Variants in LIPA observed in about 807,000 individuals in gnomAD.
The protein encoded by LIPA is lipase A, lysosomal acid type.
LIPA carries 26 observed loss-of-function variants against 40.6 expected under a neutral mutation model. The observed-to-expected ratio is 0.64, with a 90% confidence interval of 0.47 to 0.89. LIPA has a LOEUF of 0.89. Ranked by LOEUF, LIPA falls within the 40% of genes least tolerant of loss-of-function variation. LIPA has a pLI of 0.00. For synonymous variants in LIPA, 188 were observed against 168.4 expected (o/e 1.12, Z -0.90); for missense variants, 455 against 479.6 (o/e 0.95, Z 0.48).
Position 89,302,096 on chromosome 10 carries a change from C to A in LIPA, c.-2+40515G>T. 3.1e-6 allele frequency: 5 copies of A among 1,613,672 alleles called. No individual in the cohort carries two copies. The South Asian group carries it at 4.4e-5, about 14-fold the overall frequency. The stretch of plus-strand genomic sequence containing the variant: ...GTGCAGCTGCCTGAACCGAGCCCTG[C>A]CGAACAGCTGAGAATTGCACTGCAA... On this transcript the variant is annotated intron_variant, in intron 1 of 5. Transcript: ENST00000282673.
At chr10:89,332,709 A>G (rs1426112508) in intron 1 of LIPA, 1 of 1,398,222 alleles carries the variant, frequency 7.2e-7, no homozygotes, top group Non-Finnish European at 1.0e-6. Context: ...GTGTTTGCTT[A>G]GAGATGAAAT....
intron 1 of LIPA, among the ~76,000 whole-genome samples, chr10:89,337,455 A>T (rs1172404360): frequency 2.6e-5 from 4 of 152,126 alleles, no homozygotes; most frequent in African/African-American, 9.7e-5. Context: ...GCTGGAGTGT[A>T]ATGGTGTGAT....
intron 1 of LIPA, among the ~76,000 whole-genome samples, chr10:89,271,053 C>T (rs530153118): frequency 6.6e-6 from 1 of 152,184 alleles, no homozygotes; most frequent in Non-Finnish European, 1.5e-5. Context: ...TGAAATTAGA[C>T]TTATGTAGGT....
intron 1 of LIPA, among the ~76,000 whole-genome samples, chr10:89,318,106 C>CA (rs1382728435): frequency 1.3e-5 from 2 of 152,126 alleles, no homozygotes; most frequent in African/African-American, 4.8e-5. Context: ...CCAGCCACTG[C>CA]AAAACATGTC....
At chr10:89,353,810 G>A (rs11203089) in intron 2 of LIPA, among the ~76,000 whole-genome samples, 5,539 of 152,072 alleles carry the variant, frequency 0.036, 246 homozygotes, top group African/African-American at 0.1. Context: ...GTGTGGCAGC[G>A]TGCACCTGTA....
At chr10:89,344,190 C>T (rs1843896621), upstream of LIPA, among the ~76,000 whole-genome samples, 3 of 152,148 alleles carry the variant, frequency 2.0e-5, no homozygotes, top group Non-Finnish European at 4.4e-5. Flanking sequence ...ATGAAAAATG[C>T]TATATAATCT....
At chr10:89,298,574 A>G (rs1041224681) in intron 1 of LIPA, among the ~76,000 whole-genome samples, 5 of 152,234 alleles carry the variant, frequency 3.3e-5, no homozygotes, top group Non-Finnish European at 7.3e-5. Flanking sequence ...ATTATATTAG[A>G]TGCTCAGATA....
rs538623262 is a variant in LIPA, at chr10:89,219,709, T to C, written c.894+2802A>G. Among the ~76,000 whole-genome samples, 7 of 152,290 alleles carry C rather than the reference T, an allele frequency of 4.6e-5. No homozygotes were observed. In the South Asian group the frequency reaches 1.5e-3, roughly 32 times the overall value. ...CAGAAGCCTTTTCCTGCACTGCCTC[T>C]TGGAGCCTGCAGCCTGCACCAGTGG... On this transcript the variant is annotated intron_variant, in intron 8 of 9. Coordinates refer to ENST00000336233, the MANE Select transcript of LIPA (RefSeq NM_000235.4).
chr10:89,402,799 C>T (rs11553018), intron 2 of LIPA: 105 of 1,614,102 alleles, frequency 6.5e-5, no homozygotes, highest in East Asian at 1.8e-4. Context: ...CCTGAAAACC[C>T]TGAATCCAGC....
chr10:89,225,306 G>T (rs1050297797), intron 5 of LIPA, 78 bp from the exon 6 acceptor site: 6 of 1,570,514 alleles, frequency 3.8e-6, no homozygotes, highest in Non-Finnish European at 5.2e-6. Flanking sequence ...GCCGTCACTC[G>T]CGACGCCCTC....
intron 1 of LIPA, chr10:89,338,728 T>C (rs750079264): frequency 1.9e-6 from 3 of 1,614,022 alleles, no homozygotes; most frequent in Non-Finnish European, 2.5e-6. Context: ...CTGGAACTTA[T>C]TCAAGGAAGA....
chr10:89,306,696 C>T, intron 1 of LIPA: 1 of 1,614,104 alleles, frequency 6.2e-7, no homozygotes, highest in Non-Finnish European at 8.5e-7. Flanking sequence ...CCAGGTGTAA[C>T]AGATGTTCTT....
chr10:89,338,711 A>T (rs1564792016), intron 1 of LIPA: 2 of 1,613,874 alleles, frequency 1.2e-6, no homozygotes. Flanking sequence ...CTGAAATGCC[A>T]TTTCACCTGG....
intron 2 of LIPA, chr10:89,412,691 G>C (rs528626940): frequency 2.4e-6 from 1 of 417,522 alleles, no homozygotes; most frequent in Non-Finnish European, 4.7e-6. Context: ...AACCCACCGG[G>C]AGGAACGAAC....
intron 2 of LIPA, chr10:89,384,781 T>C: frequency 1.4e-6 from 2 of 1,413,594 alleles, no homozygotes; most frequent in South Asian, 2.6e-5. Context: ...TATAACTAAA[T>C]AGAATGACTA....
chr10:89,403,159 A>G (rs1466516588), intron 2 of LIPA: 3 of 1,613,850 alleles, frequency 1.9e-6, no homozygotes, highest in Non-Finnish European at 1.7e-6. Context: ...GGGCTTTGCT[A>G]CAAGGCACAA....
At chr10:89,284,830 T>C (rs1240873143) in intron 1 of LIPA, among the ~76,000 whole-genome samples, 1 of 152,182 alleles carries the variant, frequency 6.6e-6, no homozygotes, top group Non-Finnish European at 1.5e-5. Flanking sequence ...AAATGGCCTG[T>C]CCCTGCCTTA....
At chr10:89,350,228 G>A (rs2133585898) in intron 2 of LIPA, among the ~76,000 whole-genome samples, 1 of 152,194 alleles carries the variant, frequency 6.6e-6, no homozygotes, top group South Asian at 2.1e-4. Context: ...GGTTCAGGAG[G>A]ATATGATATT....
intron 2 of LIPA, among the ~76,000 whole-genome samples, chr10:89,379,347 CTG>C (rs1844144436): frequency 6.6e-6 from 1 of 152,178 alleles, no homozygotes; most frequent in Non-Finnish European, 1.5e-5. Flanking sequence ...GCCCATCAAT[CTG>C]TGTGTTATAA....
Sources: gnomAD v4.1 joint callset for allele counts (sites outside exome capture counted in the v4.1 genomes callset) on GRCh38, gnomAD v4.1.1 for gene constraint, MANE v1.5 for transcripts, NCBI Gene and HGNC (gene_info 2026-07-23, HGNC 2026-07-21) for gene names.